Variants in TTC39C observed in about 807,000 individuals in gnomAD.
TTC39C encodes the protein tetratricopeptide repeat protein 39C.
TTC39C carries 33 observed loss-of-function variants against 76.3 expected under a neutral mutation model. The ratio of observed to expected loss-of-function variants is 0.43; its 90% CI spans 0.33 to 0.58. The LOEUF is 0.58. Ranked by LOEUF, TTC39C falls within the 20% of genes least tolerant of loss-of-function variation. The pLI is 0.04. For synonymous variants in TTC39C, 254 were observed against 260.6 expected (o/e 0.97, Z 0.24); for missense variants, 595 against 701.4 (o/e 0.85, Z 1.71).
rs35872928 is a variant in TTC39C at position 24,109,176 on chromosome 18, C to CAAAAAAAAAAAAAAAAAAAAAAAAAAAAA, written c.985-5356_985-5355insAAAAAAAAAAAAAAAAAAAAAAAAAAAAA. On this transcript the variant is annotated intron_variant, in intron 6 of 13. Coordinates refer to ENST00000317571, the MANE Select transcript of TTC39C (RefSeq NM_001135993.2). ...AAACATAGCAAGACTCCCGTCTCTA[C>CAAAAAAAAAAAAAAAAAAAAAAAAAAAAA]AAAAAAAAAAAAAAAAAAAAAAGTT... Among the ~76,000 whole-genome samples the CAAAAAAAAAAAAAAAAAAAAAAAAAAAAA allele has an allele frequency of 2.4e-4, 18 of 73,874 alleles. 1 individual carries two copies. The highest frequency in any genetic ancestry group is 9.7e-4 in the African/African-American group (16 of 16,512). The allele number at this position is 73,874 out of a possible 152,430, so 48.5% of individuals were successfully genotyped here. A position where few individuals can be genotyped will look rare whatever the true frequency, so the allele number is the denominator to read the frequency against.
chr18:24,035,045 T>TC (rs2083716027), intron 1 of TTC39C, among the ~76,000 whole-genome samples: 4 of 68,546 alleles, frequency 5.8e-5, no homozygotes, highest in African/African-American at 1.5e-4. Context: ...TTTATTTCTT[T>TC]ATTTTTTTTT....
intron 7 of TTC39C, among the ~76,000 whole-genome samples, chr18:24,116,739 G>C (rs559313922): frequency 1.3e-5 from 2 of 151,824 alleles, no homozygotes; most frequent in African/African-American, 4.8e-5. Flanking sequence ...TCATGTAAAG[G>C]AAAGTGTGTT....
At chr18:24,081,216 G>A (rs2084371705) in intron 5 of TTC39C, among the ~76,000 whole-genome samples, 1 of 152,162 alleles carries the variant, frequency 6.6e-6, no homozygotes, top group African/African-American at 2.4e-5. Context: ...TTGTGACTTT[G>A]ACCACATTCT....
intron 6 of TTC39C, among the ~76,000 whole-genome samples, chr18:24,091,551 A>G (rs2084516716): frequency 6.6e-6 from 1 of 152,250 alleles, no homozygotes; most frequent in African/African-American, 2.4e-5. Flanking sequence ...CTAAAACTGT[A>G]GAACCCTTGG....
At chr18:23,999,558 G>T (rs1018808128) in intron 1 of TTC39C, among the ~76,000 whole-genome samples, 1 of 152,238 alleles carries the variant, frequency 6.6e-6, no homozygotes, top group Non-Finnish European at 1.5e-5. Flanking sequence ...CCCTAGCCAG[G>T]GGGCAAGAAG....
chr18:24,099,013 G>A (rs1437117899), intron 6 of TTC39C, among the ~76,000 whole-genome samples: 3 of 143,136 alleles, frequency 2.1e-5, no homozygotes, highest in Non-Finnish European at 1.5e-5. Flanking sequence ...GAATGTGTGT[G>A]TGTGTGTGTG....
chr18:24,031,190 G>A (rs1599254783), intron 1 of TTC39C, among the ~76,000 whole-genome samples: 1 of 149,826 alleles, frequency 6.7e-6, no homozygotes, highest in South Asian at 2.1e-4. Flanking sequence ...ACTCCTGACT[G>A]CAAGTGATCC....
chr18:24,020,746 T>C (rs774942227), intron 1 of TTC39C, among the ~76,000 whole-genome samples: 2 of 152,204 alleles, frequency 1.3e-5, no homozygotes, highest in Non-Finnish European at 2.9e-5. Flanking sequence ...TGCAACCTTT[T>C]TTTCCAAGTA....
At chr18:24,086,005 C>T (rs1274321048) in intron 6 of TTC39C, among the ~76,000 whole-genome samples, 1 of 152,216 alleles carries the variant, frequency 6.6e-6, no homozygotes, top group African/African-American at 2.4e-5. Context: ...ATGAGGAACT[C>T]TGCCCAGGGA....
intron 1 of TTC39C, among the ~76,000 whole-genome samples, chr18:24,050,563 C>CAAAAA (rs67885761): frequency 1.3e-5 from 1 of 77,100 alleles, no homozygotes; most frequent in African/African-American, 5.2e-5. Context: ...GACCCTGTCT[C>CAAAAA]AAAAAAAAAA....
At position 24,068,607 on chromosome 18, in the gene TTC39C, A is replaced by G. The variant is rs139896691; in HGVS notation, c.346-550A>G. Reference sequence around the variant, plus strand: ...TGACTTTTTGCATATTTGTATTTATATGACTTATATTTCAAGTAGTTTGTG... The same window carrying G: ...TGACTTTTTGCATATTTGTATTTATGTGACTTATATTTCAAGTAGTTTGTG... On this transcript the variant is annotated intron_variant, in intron 3 of 13. Transcript: ENST00000317571. 4.5e-4 allele frequency among the ~76,000 whole-genome samples: 68 copies of G among 152,342 alleles called. No individual in the cohort carries two copies. The East Asian group carries it at 0.013, about 28-fold the overall frequency.
chr18:24,020,240 C>G (rs1469356072), intron 1 of TTC39C: 17 of 1,050,900 alleles, frequency 1.6e-5, no homozygotes, highest in Non-Finnish European at 1.9e-5. Context: ...TTTCCCCCAA[C>G]TATTACACTG....
chr18:24,029,906 A>T (rs6508105), intron 1 of TTC39C, among the ~76,000 whole-genome samples: 133,396 of 152,230 alleles, frequency 0.88, 59,830 homozygotes, highest in Non-Finnish European at 0.97. Flanking sequence ...TCATTGATTG[A>T]TGGAAATTTG....
intron 6 of TTC39C, among the ~76,000 whole-genome samples, chr18:24,107,114 AGAGGATACCTGGTGCCT>A (rs1178723500): frequency 6.6e-6 from 1 of 152,186 alleles, no homozygotes; most frequent in Non-Finnish European, 1.5e-5. Flanking sequence ...TTTACTGGGC[AGAGGATACCTGGTGCCT>A]GAATGGGTGT....
intron 6 of TTC39C, among the ~76,000 whole-genome samples, chr18:24,113,106 G>A (rs540640938): frequency 2.4e-4 from 36 of 152,320 alleles, no homozygotes; most frequent in Admixed American, 1.4e-3. Context: ...TCAGGGATGC[G>A]ATTGGTGCGT....
Position 24,033,648 on chromosome 18 carries a change from A to G in TTC39C, c.167+18610A>G, listed in dbSNP as rs181834298. Among the ~76,000 whole-genome samples the G allele has an allele frequency of 2.9e-4, 44 of 152,346 alleles. No individual in the cohort carries two copies. The East Asian group carries it at 8.1e-3, about 28-fold the overall frequency. On this transcript the variant is annotated intron_variant, in intron 1 of 13. Transcript: ENST00000317571. ...CCAGTTTCCAGAGTTAAGTAACACC[A>G]GTTCCCCAATAACACAGTTCAATTT...
intron 6 of TTC39C, among the ~76,000 whole-genome samples, chr18:24,101,545 G>A (rs1390562398): frequency 2.6e-5 from 3 of 117,160 alleles, no homozygotes; most frequent in Non-Finnish European, 5.5e-5. Flanking sequence ...GCGACAGAGC[G>A]AGACTCCGTC....
chr18:24,100,088 T>G (rs1262461932), intron 6 of TTC39C, among the ~76,000 whole-genome samples: 1 of 152,336 alleles, frequency 6.6e-6, no homozygotes. Flanking sequence ...ACAGTTTTTC[T>G]TAATAGTTTA....
intron 1 of TTC39C, among the ~76,000 whole-genome samples, chr18:24,007,021 A>G (rs770179207): frequency 1.2e-4 from 18 of 152,234 alleles, no homozygotes; most frequent in Admixed American, 3.3e-4. Flanking sequence ...TGCATAAAGG[A>G]GATACCTGTT....
Sources: gnomAD v4.1 joint callset for allele counts (sites outside exome capture counted in the v4.1 genomes callset) on GRCh38, gnomAD v4.1.1 for gene constraint, MANE v1.5 for transcripts, NCBI Gene and HGNC (gene_info 2026-07-23, HGNC 2026-07-21) for gene names.